Variants in VWA8 observed in about 807,000 individuals in gnomAD.
VWA8 encodes von Willebrand factor A domain-containing protein 8.
In VWA8, 221 loss-of-function variants were observed where a neutral mutation model predicts 241.5. The ratio of observed to expected loss-of-function variants is 0.91; its 90% confidence interval spans 0.82 to 1.02. The LOEUF is 1.02. Ranked by LOEUF, VWA8 falls within the 50% of genes least tolerant of loss-of-function variation. The pLI is 0.00. For missense variants in VWA8, 2,322 were observed against 2,328.7 expected, an observed-to-expected ratio of 1.00 and a Z score of 0.06; for synonymous variants, 852 against 827.1, an observed-to-expected ratio of 1.03 and a Z score of -0.52.
chr13:41,882,714 G>A (rs1477721841), intron 9 of VWA8, among the ~76,000 whole-genome samples: 1 of 152,180 alleles, frequency 6.6e-6, no homozygotes, highest in Non-Finnish European at 1.5e-5. Context: ...TGAGGCAGGA[G>A]AATCAGGCAG....
Position 41,590,763 on chromosome 13 carries a change from A to G in VWA8, c.4989T>C (p.Ala1663=). The change falls in exon 41 of 45, where the codon GCT becomes GCC. Residue 1663 remains alanine, a splice_region_variant and synonymous_variant. Transcript: ENST00000379310. ...TTAGCCATTGTCTTTCTTTACCTTT[A>G]GCCTACAAAAGACACACATACACAC... ...SLRIILDNLQ[A]KGKERQWLRH... 6.2e-7 allele frequency: 1 copy of G among 1,613,920 alleles called. No individual in the cohort carries two copies. Among genetic ancestry groups the G allele is most frequent in the Non-Finnish European group, 8.5e-7 (1 of 1,179,928 alleles).
At chr13:41,799,277 T>C (rs1487349457) in intron 17 of VWA8, among the ~76,000 whole-genome samples, 2 of 152,194 alleles carry the variant, frequency 1.3e-5, no homozygotes, top group Non-Finnish European at 1.5e-5. Context: ...TTGCCACAGA[T>C]TGGTTTTCAA....
At chr13:41,767,143 T>C (rs1170807157) in intron 20 of VWA8, among the ~76,000 whole-genome samples, 1 of 152,212 alleles carries the variant, frequency 6.6e-6, no homozygotes, top group Non-Finnish European at 1.5e-5. Flanking sequence ...GTTTGTATAA[T>C]AGAGATGTTC....
intron 37 of VWA8, among the ~76,000 whole-genome samples, chr13:41,643,846 C>T (rs775396298): frequency 6.6e-6 from 1 of 151,986 alleles, no homozygotes; most frequent in Non-Finnish European, 1.5e-5. Flanking sequence ...GCAATCCATC[C>T]TCTCGGTGGG....
At chr13:41,770,221 G>T (rs911406686) in intron 20 of VWA8, among the ~76,000 whole-genome samples, 24 of 152,236 alleles carry the variant, frequency 1.6e-4, no homozygotes, top group African/African-American at 4.8e-4. Context: ...GCCGAGACGT[G>T]TGGATCATGA....
chr13:41,917,850 C>A (rs77946369), intron 2 of VWA8, among the ~76,000 whole-genome samples: 1,683 of 152,310 alleles, frequency 0.011, 34 homozygotes, highest in African/African-American at 0.039. Context: ...CAAAATAGCT[C>A]AGAAAGAATC....
intron 17 of VWA8, among the ~76,000 whole-genome samples, chr13:41,798,011 T>G (rs944443819): frequency 6.6e-6 from 1 of 152,190 alleles, no homozygotes; most frequent in African/African-American, 2.4e-5. Flanking sequence ...CTACCACCAC[T>G]GGATTTATTG....
At chr13:41,898,077 G>C (rs1875213581) in intron 4 of VWA8, among the ~76,000 whole-genome samples, 1 of 152,124 alleles carries the variant, frequency 6.6e-6, no homozygotes, top group Non-Finnish European at 1.5e-5. Flanking sequence ...ACAGAGTGTC[G>C]ATTGGTGCAT....
chr13:41,934,608 A>C (rs1462328340), intron 2 of VWA8, among the ~76,000 whole-genome samples: 3 of 152,068 alleles, frequency 2.0e-5, no homozygotes, highest in African/African-American at 7.2e-5. Flanking sequence ...TACCACTTAG[A>C]AAGAAAAAAA....
intron 43 of VWA8, among the ~76,000 whole-genome samples, chr13:41,573,831 G>T (rs931236314): frequency 6.6e-6 from 1 of 151,726 alleles, no homozygotes; most frequent in African/African-American, 2.4e-5. Context: ...CAGGTTGGCC[G>T]GGCTGGTATC....
At chr13:41,665,467 C>T (rs1423483676) in intron 37 of VWA8, among the ~76,000 whole-genome samples, 1 of 151,934 alleles carries the variant, frequency 6.6e-6, no homozygotes, top group Non-Finnish European at 1.5e-5. Context: ...TGAATAAAAT[C>T]ATAAATATAA....
At chr13:41,878,843 T>C (rs1164644445) in intron 9 of VWA8, among the ~76,000 whole-genome samples, 2 of 152,220 alleles carry the variant, frequency 1.3e-5, no homozygotes, top group Non-Finnish European at 1.5e-5. Flanking sequence ...ATAATAAATT[T>C]GTATGACTAG....
At chr13:41,618,630 C>G (rs2044636952) in intron 37 of VWA8, among the ~76,000 whole-genome samples, 1 of 152,088 alleles carries the variant, frequency 6.6e-6, no homozygotes, top group African/African-American at 2.4e-5. Context: ...AGTCTTTAAT[C>G]CATCTTGAAT....
intron 37 of VWA8, among the ~76,000 whole-genome samples, chr13:41,659,215 C>T (rs766950714): frequency 3.3e-5 from 5 of 152,134 alleles, no homozygotes; most frequent in Non-Finnish European, 7.3e-5. Flanking sequence ...CCTCTCCAGT[C>T]AGAAGTATGT....
intron 21 of VWA8, among the ~76,000 whole-genome samples, chr13:41,751,793 G>T (rs1488951473): frequency 6.6e-6 from 1 of 152,104 alleles, no homozygotes; most frequent in African/African-American, 2.4e-5. Flanking sequence ...ACCTCAGTTG[G>T]TTAGAACACT....
chr13:41,734,515 A>C (rs191941742), intron 21 of VWA8, among the ~76,000 whole-genome samples: 382 of 152,352 alleles, frequency 2.5e-3, no homozygotes, highest in African/African-American at 8.9e-3. Flanking sequence ...TCCCCATCAG[A>C]GTCCTCATTT....
At chr13:41,823,289 A>G (rs1261416576) in intron 14 of VWA8, among the ~76,000 whole-genome samples, 1 of 152,174 alleles carries the variant, frequency 6.6e-6, no homozygotes, top group Non-Finnish European at 1.5e-5. Flanking sequence ...GTTCACCGCT[A>G]AGATTGAGAG....
intron 37 of VWA8, among the ~76,000 whole-genome samples, chr13:41,648,756 G>C (rs148538228): frequency 3.9e-5 from 6 of 152,110 alleles, no homozygotes; most frequent in Non-Finnish European, 8.8e-5. Context: ...ATAGAAGCAC[G>C]GTACTGCTAA....
intron 4 of VWA8, among the ~76,000 whole-genome samples, chr13:41,903,401 ATTCTAG>A (rs1343071643): frequency 6.6e-6 from 1 of 152,194 alleles, no homozygotes; most frequent in Non-Finnish European, 1.5e-5. Context: ...AGACAGTTAT[ATTCTAG>A]CGGGGGAGGA....
Sources: allele counts gnomAD v4.1 joint callset (sites outside exome capture counted in the v4.1 genomes callset), GRCh38; gene constraint gnomAD v4.1.1; transcripts MANE v1.5; gene names NCBI Gene and HGNC (gene_info 2026-07-23, HGNC 2026-07-21).